Variants in PLXNB3 observed in about 807,000 individuals in gnomAD.
PLXNB3 encodes plexin B3.
PLXNB3 carries 80 observed loss-of-function variants against 125.7 expected under a neutral mutation model. The observed-to-expected ratio is 0.64, with a 90% CI of 0.53 to 0.77. PLXNB3 has a LOEUF of 0.77. PLXNB3 is among the 30% of genes least tolerant of loss of function. The pLI, the probability that PLXNB3 is intolerant of heterozygous loss-of-function variation, is 0.00. For synonymous variants in PLXNB3, 954 were observed against 783.3 expected (o/e 1.22, Z -3.64); for missense variants, 1,836 against 1,729.3 (o/e 1.06, Z -1.09).
chrX:153,778,136 G>A (rs2092016731), intron 32 of PLXNB3, 41 bp downstream of exon 32: 7 of 1,208,259 alleles, frequency 5.8e-6, no homozygotes, highest in African/African-American at 1.7e-5. Flanking sequence ...AGGGGCTTGA[G>A]GAGGAAAGGC....
At chrX:153,766,308 G>C in intron 2 of PLXNB3, 1 of 1,160,358 alleles carries the variant, frequency 8.6e-7, no homozygotes, top group African/African-American at 1.8e-5. Context: ...CCTTGCAGCC[G>C]GCCCTGGCTG....
In PLXNB3 at chrX:153,766,160, A is replaced by AC. The variant is rs781846255; in HGVS notation, c.45+585dup. On this transcript the variant is annotated intron_variant, in intron 2 of 35. Transcript: ENST00000361971. Reference sequence around the variant, plus strand: ...CTTGACACCCCTGGCTTCTCCCAGCACCCCCGCTGCCTTGCCCCAGTGCTT... The same window carrying AC: ...CTTGACACCCCTGGCTTCTCCCAGCACCCCCCGCTGCCTTGCCCCAGTGCTT... The AC allele has an allele frequency of 3.7e-4, 411 of 1,109,630 alleles. 1 individual carries two copies. The East Asian group carries it at 0.013, about 34-fold the overall frequency. The allele number at this position is 1,109,630 out of a possible 1,213,427, so 91.4% of individuals were successfully genotyped here. A position where few individuals can be genotyped will look rare whatever the true frequency, so the allele number is the denominator to read the frequency against.
At chrX:153,776,788 G>A in intron 28 of PLXNB3, 99 bp from the exon 29 acceptor site, 1 of 498,599 alleles carries the variant, frequency 2.0e-6, no homozygotes, top group South Asian at 3.8e-5. Context: ...GGCAGGGCAG[G>A]GCGGGTCTGG....
Position 153,773,948 on chromosome X carries a change from C to G in PLXNB3, c.3369C>G (p.Phe1123Leu). The change falls in exon 20 of 36, where the codon TTC becomes TTG. Residue 1123 changes from phenylalanine (F) to leucine (L), a missense_variant. Phe to Leu is a conservative substitution (Grantham distance 22). Transcript: ENST00000361971. ...VPDRAHPQRV[F>L]FTLDNVQVDF... ...ACAGAGCCCACCCGCAGCGGGTCTT[C>G]TTCACCCTAGACAACGTGCAAGTGG... is the stretch of plus-strand genomic sequence containing the variant. The G allele has an allele frequency of 5.8e-6, 7 of 1,211,154 alleles. No individual in the cohort carries two copies. The highest frequency in any genetic ancestry group is 7.8e-6 in the Non-Finnish European group (7 of 895,379).
chrX:153,772,850 G>T, intron 16 of PLXNB3, 36 bp from the exon 17 acceptor site: 1 of 1,079,460 alleles, frequency 9.3e-7, no homozygotes, highest in East Asian at 3.5e-5. Flanking sequence ...GGCCAGGCTG[G>T]GCTGCCGTGC....
intron 2 of PLXNB3, chrX:153,766,340 C>T (rs1025167103): frequency 2.6e-6 from 3 of 1,140,691 alleles, no homozygotes; most frequent in Non-Finnish European, 3.5e-6. Flanking sequence ...TTTTCTCTCC[C>T]TGTCTGGTCC....
chrX:153,776,462 G>A lies in PLXNB3; in HGVS notation c.4833+3G>A, dbSNP rs782022382. ...TCAACACCTTGCAACACTACAAGGT[G>A]TGAGCAGGGACGGGGCGAGGCAGGG... On this transcript the variant is annotated splice_donor_region_variant and intron_variant, in intron 28 of 35. Transcript: ENST00000361971. 49 of 979,625 alleles carry A rather than the reference G, an allele frequency of 5.0e-5. No individual in the cohort carries two copies. In the South Asian group the frequency reaches 9.2e-4, roughly 18 times the overall value. The allele number at this position is 979,625 out of a possible 1,213,427, so 80.7% of individuals were successfully genotyped here. A position where few individuals can be genotyped will look rare whatever the true frequency, so the allele number is the denominator to read the frequency against.
In PLXNB3 at chrX:153,767,588, G is replaced by A. The variant is rs199917520; in HGVS notation, c.761G>A (p.Arg254Gln). ...TTCGTGTTCCGCCGCCGCGGGGCCC[G>A]GGCCCAGGCTGAGTACCGCTCCTAC... ...AYFVFRRRGA[R>Q]AQAEYRSYVA... Residue 254 changes from arginine (R) to glutamine (Q), a missense_variant, in exon 3 of 36, where the codon CGG (arginine) becomes CAG (glutamine). Transcript: ENST00000361971. 1.3e-4 allele frequency: 152 copies of A among 1,176,442 alleles called. No individual in the cohort carries two copies. Among genetic ancestry groups the A allele is most frequent in the East Asian group, 6.1e-5 (2 of 32,706 alleles).
At position 153,773,905 on chromosome X, in the gene PLXNB3, G is replaced by T; in HGVS notation, c.3326G>T (p.Arg1109Leu). The T allele has an allele frequency of 8.3e-7, 1 of 1,211,010 alleles. No homozygotes were observed. Among genetic ancestry groups the T allele is most frequent in the African/African-American group, 1.7e-5 (1 of 57,945 alleles). ...SVNSSSLLLC[R>L]SPAVPDRAHP... is the part of the protein sequence containing the mutation. The stretch of plus-strand genomic sequence containing the variant: ...AACTCGTCCAGCCTCCTCCTGTGCC[G>T]GAGCCCTGCTGTACCAGACAGAGCC... The change falls in exon 20 of 36, where the codon CGG (arginine) becomes CTG (leucine). Residue 1109 changes from arginine (R) to leucine (L), a missense_variant. Physicochemically the swap from Arg to Leu is moderately radical, Grantham distance 102. Transcript: ENST00000361971.
Position 153,767,566 on chromosome X carries a change from G to A in PLXNB3, c.739G>A (p.Val247Met), listed in dbSNP as rs782126578. Residue 247 changes from valine to methionine, a missense_variant, in exon 3 of 36, where the codon GTG (valine) becomes ATG (methionine). Coordinates refer to ENST00000361971, the MANE Select transcript of PLXNB3 (RefSeq NM_005393.3). ...AFADARSAYF[V>M]FRRRGARAQA... is the part of the protein sequence containing the mutation. ...TGCCGACGCCCGCTCCGCCTACTTC[G>A]TGTTCCGCCGCCGCGGGGCCCGGGC... 7.7e-6 allele frequency: 9 copies of A among 1,174,164 alleles called. No homozygotes were observed. Among genetic ancestry groups the A allele is most frequent in the Non-Finnish European group, 1.0e-5 (9 of 877,021 alleles).
In PLXNB3 at chrX:153,770,824, G is replaced by A; in HGVS notation, c.2077G>A (p.Val693Met). Residue 693 changes from valine to methionine, a missense_variant, in exon 11 of 36, where the codon GTG becomes ATG. By Grantham distance (21) the Val-to-Met change is conservative. Coordinates refer to ENST00000361971, the MANE Select transcript of PLXNB3 (RefSeq NM_005393.3). ...QVEGLAGPHL[V>M]PVGWESHLAL... ...CGAAGGCCTGGCAGGTCCCCACCTG[G>A]TGCCTGTGGGCTGGGAGAGCCATTT... 1 of 1,209,297 alleles carries A rather than the reference G, an allele frequency of 8.3e-7. No homozygotes were observed. Among genetic ancestry groups the A allele is most frequent in the Non-Finnish European group, 1.1e-6 (1 of 893,774 alleles).
At position 153,765,478 on chromosome X, in the gene PLXNB3, C is replaced by T. The variant is rs5987152; in HGVS notation, c.-58C>T. On this transcript the variant is annotated 5_prime_UTR_variant, in exon 2 of 36. Coordinates refer to ENST00000361971, the MANE Select transcript of PLXNB3 (RefSeq NM_005393.3). The stretch of plus-strand genomic sequence containing the variant: ...TGTCTCCCTCCCACTCAGGACAATG[C>T]CCCCCCGCAGCCATCTCATGCCCAT... The T allele has an allele frequency of 3.6e-3, 4,163 of 1,144,038 alleles. 103 individuals carry two copies. In the African/African-American group the frequency reaches 0.067, roughly 19 times the overall value. 94.3% of individuals were successfully genotyped at this position (1,144,038 alleles called of 1,213,427 possible).
In PLXNB3 at chrX:153,774,185, G is replaced by A; in HGVS notation, c.3520-1G>A. The A allele has an allele frequency of 1.7e-6, 2 of 1,204,303 alleles. No homozygotes were observed. Among genetic ancestry groups the A allele is most frequent in the East Asian group, 3.0e-5 (1 of 33,775 alleles). ...GGCTTAGGCTCCCATGTGTGTCCCA[G>A]GGCGAGGGCCTCAACCTGGGCATCA... On this transcript the variant is annotated splice_acceptor_variant, in intron 20 of 35. Coordinates refer to ENST00000361971, the MANE Select transcript of PLXNB3 (RefSeq NM_005393.3). LOFTEE classifies it high-confidence loss of function.
In PLXNB3 at chrX:153,774,680, C is replaced by A. The variant is rs1345994400; in HGVS notation, c.3831-26C>A. 2.6e-6 allele frequency: 3 copies of A among 1,150,211 alleles called. No individual in the cohort carries two copies. In the African/African-American group the frequency reaches 5.3e-5, roughly 20 times the overall value. The allele number at this position is 1,150,211 out of a possible 1,213,427, so 94.8% of individuals were successfully genotyped here. Reference sequence around the variant, plus strand: ...TGGCTGATGCTGGCCCCGGCCCTGGCTGATGAAGCTGGCCCCGGGCTGCAG... The same window carrying A: ...TGGCTGATGCTGGCCCCGGCCCTGGATGATGAAGCTGGCCCCGGGCTGCAG... On this transcript the variant is annotated intron_variant, in intron 22 of 35. Transcript: ENST00000361971.
chrX:153,771,343 G>A lies in PLXNB3; in HGVS notation c.2287G>A (p.Val763Met), dbSNP rs782781381. 5.8e-6 allele frequency: 7 copies of A among 1,210,765 alleles called. No homozygotes were observed. Among genetic ancestry groups the A allele is most frequent in the Non-Finnish European group, 7.8e-6 (7 of 894,756 alleles). Residue 763 changes from valine to methionine, a missense_variant, in exon 13 of 36, where the codon GTG (valine) becomes ATG (methionine). Transcript: ENST00000361971. ...CTCCATGTCCCAGCGGGAGCTCCCA[G>A]TGCCCATCTACGTCACCCAGGGTGA... ...YPSMSQRELP[V>M]PIYVTQGEAQ...
chrX:153,772,315 G>T (rs374188333), intron 16 of PLXNB3, 28 bp downstream of exon 16: 1 of 1,061,890 alleles, frequency 9.4e-7, no homozygotes, highest in Non-Finnish European at 1.3e-6. Context: ...TGTGCCCTAC[G>T]CAGGGGAGGG....
chrX:153,768,222 G>T, intron 3 of PLXNB3, 27 bp from the exon 4 acceptor site: 1 of 1,165,248 alleles, frequency 8.6e-7, no homozygotes, highest in Non-Finnish European at 1.2e-6. Context: ...TCTTCCGGGG[G>T]CTGATTCTCC....
chrX:153,771,424 G>T (rs1184924290), intron 13 of PLXNB3, 21 bp downstream of exon 13: 1 of 1,204,535 alleles, frequency 8.3e-7, no homozygotes, highest in Non-Finnish European at 1.1e-6. Flanking sequence ...GGGCAGCCAG[G>T]CAGGCGGGGC....
Position 153,770,761 on chromosome X carries a change from G to A in PLXNB3, c.2014G>A (p.Asp672Asn). Reference protein sequence around the residue: ...ERTIYSAQEVDIQVRGPGACP... With the variant: ...ERTIYSAQEVNIQVRGPGACP... ...CTGAGGGCTCTTGTTTTCCCAGGTG[G>A]ACATCCAGGTGCGTGGCCCAGGGGC... Residue 672 changes from aspartate to asparagine, a missense_variant, in exon 11 of 36, where the codon GAC becomes AAC. By Grantham distance (23) the Asp-to-Asn change is conservative. Transcript: ENST00000361971. 1.7e-6 allele frequency: 2 copies of A among 1,204,873 alleles called. No individual in the cohort carries two copies. The highest frequency in any genetic ancestry group is 2.2e-6 in the Non-Finnish European group (2 of 890,721).
Sources: gnomAD v4.1 joint callset for allele counts on GRCh38, gnomAD v4.1.1 for gene constraint, MANE v1.5 for transcripts, NCBI Gene and HGNC (gene_info 2026-07-23, HGNC 2026-07-21) for gene names.